The following PIK3C2A variants were observed in gnomAD, a reference collection of about 807,000 sequenced individuals.
PIK3C2A encodes the protein phosphatidylinositol 4-phosphate 3-kinase C2 domain-containing subunit alpha.
PIK3C2A carries 97 observed loss-of-function variants against 204.5 expected under a neutral mutation model. That is an observed-to-expected ratio of 0.47 (90% CI 0.40 to 0.56). The LOEUF (loss-of-function observed/expected upper bound fraction) is 0.56, where lower values mean the gene tolerates loss of function less well. Ranked by LOEUF, PIK3C2A falls within the 20% of genes least tolerant of loss-of-function variation. PIK3C2A has a pLI of 0.00. For synonymous variants in PIK3C2A, 653 were observed against 664.4 expected, an observed-to-expected ratio of 0.98 and a Z score of 0.26; for missense variants, 1,735 against 1,969.2, an observed-to-expected ratio of 0.88 and a Z score of 2.25.
intron 20 of PIK3C2A, 152 bp from the exon 21 acceptor site, chr11:17,112,818 C>T: frequency 2.5e-6 from 1 of 398,982 alleles, no homozygotes; most frequent in East Asian, 4.1e-5. Flanking sequence ...CAGCGTCTTG[C>T]TTTGTTACCC....
At chr11:17,093,653 G>C (rs972889615) in intron 28 of PIK3C2A, among the ~76,000 whole-genome samples, 3 of 150,158 alleles carry the variant, frequency 2.0e-5, no homozygotes, top group South Asian at 2.1e-4. Flanking sequence ...TTTTTGGGGG[G>C]GGGGGACAGG....
At chr11:17,163,457 A>G (rs1461837118) in intron 2 of PIK3C2A, among the ~76,000 whole-genome samples, 1 of 152,184 alleles carries the variant, frequency 6.6e-6, no homozygotes, top group African/African-American at 2.4e-5. Context: ...CTGGAGTACA[A>G]GGGCCTTATC....
intron 24 of PIK3C2A, 53 bp downstream of exon 24, chr11:17,102,609 A>T: frequency 1.4e-6 from 2 of 1,437,396 alleles, no homozygotes; most frequent in South Asian, 2.6e-5. Context: ...ACAAACTTTA[A>T]TTTGTGAAAC....
intron 2 of PIK3C2A, among the ~76,000 whole-genome samples, chr11:17,163,214 G>A (rs1448927412): frequency 6.6e-6 from 1 of 152,136 alleles, no homozygotes; most frequent in East Asian, 1.9e-4. Flanking sequence ...GCTGAGCCAG[G>A]AGAATCACTT....
chr11:17,178,716 T>A (rs1268988467), intron 1 of PIK3C2A, among the ~76,000 whole-genome samples: 604 of 27,626 alleles, frequency 0.022, 150 homozygotes, highest in African/African-American at 0.078. Flanking sequence ...TTTTTGAATT[T>A]TTTTTTTTTT....
At chr11:17,193,574 G>A (rs1317370410) in intron 1 of PIK3C2A, 9 of 402,488 alleles carry the variant, frequency 2.2e-5, no homozygotes, top group South Asian at 1.5e-4. Flanking sequence ...CAAGCCAGGT[G>A]TGGTGGCTTA....
At position 17,097,164 on chromosome 11, in the gene PIK3C2A, G is replaced by A. The variant is rs1442666909; in HGVS notation, c.4219C>T (p.Pro1407Ser). 6.2e-7 allele frequency: 1 copy of A among 1,611,022 alleles called. No individual in the cohort carries two copies. Residue 1407 changes from proline (P) to serine (S), a missense_variant, in exon 27 of 33, where the codon CCC (proline) becomes TCC (serine). Pro to Ser is a moderately conservative substitution (Grantham distance 74, BLOSUM62 -1). Coordinates refer to ENST00000691414, the MANE Select transcript of PIK3C2A (RefSeq NM_002645.4). ...GTTTTAGGTGAAAATGAAAGGATGGGCTCATCATTAGAAGGAAGACCAGAA... is the reference window on the plus strand; with the variant it reads ...GTTTTAGGTGAAAATGAAAGGATGGACTCATCATTAGAAGGAAGACCAGAA... ...RFSGLPSNDE[P>S]ILSFSPKTYS...
chr11:17,094,177 A>G lies in PIK3C2A; in HGVS notation c.4451+84T>C. The G allele has an allele frequency of 3.2e-6, 3 of 951,036 alleles. No individual in the cohort carries two copies. In the South Asian group the frequency reaches 5.4e-5, roughly 17 times the overall value. 58.9% of individuals were successfully genotyped at this position (951,036 alleles called of 1,614,324 possible). A position where few individuals can be genotyped will look rare whatever the true frequency, so the allele number is the denominator to read the frequency against. On this transcript the variant is annotated intron_variant, in intron 28 of 32. Transcript: ENST00000691414. ...ACACATGGCCGATAATATCTTACTA[A>G]GTGTTAACACAAAGCTTTCTACCTA...
chr11:17,088,248 CT>C lies in PIK3C2A; in HGVS notation c.*1489del, dbSNP rs1242712305. ...GTAACTAATAAAAATGAATCTTACT[CT>C]TTTTTTCTTTTTTTTTAAGATGGAG... is the stretch of plus-strand genomic sequence containing the variant. On this transcript the variant is annotated 3_prime_UTR_variant, in exon 33 of 33. Transcript: ENST00000691414. 2 of 151,950 alleles carry C rather than the reference CT, an allele frequency of 1.3e-5. No individual in the cohort carries two copies. Among genetic ancestry groups the C allele is most frequent in the Admixed American group, 6.6e-5 (1 of 15,228 alleles). 9.4% of individuals were successfully genotyped at this position (151,950 alleles called of 1,614,324 possible). A position where few individuals can be genotyped will look rare whatever the true frequency, so the allele number is the denominator to read the frequency against.
chr11:17,122,461 T>C lies in PIK3C2A; in HGVS notation c.2512-128A>G, dbSNP rs550250830. On this transcript the variant is annotated intron_variant, in intron 14 of 32. Coordinates refer to ENST00000691414, the MANE Select transcript of PIK3C2A (RefSeq NM_002645.4). ...TTTACATTGAATATTAAATTAATGC[T>C]TCTTGTTGCAATTGATTACCATTGT... 4.5e-6 allele frequency: 3 copies of C among 663,648 alleles called. No homozygotes were observed. The African/African-American group carries it at 5.5e-5, about 12-fold the overall frequency. The allele number at this position is 663,648 out of a possible 1,614,324, so 41.1% of individuals were successfully genotyped here. A position where few individuals can be genotyped will look rare whatever the true frequency, so the allele number is the denominator to read the frequency against.
chr11:17,148,400 TA>T (rs1207636543), intron 5 of PIK3C2A: 8 of 353,618 alleles, frequency 2.3e-5, no homozygotes, highest in Non-Finnish European at 2.6e-5. Context: ...TTATATCACT[TA>T]TTAACCAACT....
chr11:17,156,837 T>G (rs959766257), intron 2 of PIK3C2A, among the ~76,000 whole-genome samples: 1 of 152,042 alleles, frequency 6.6e-6, no homozygotes, highest in African/African-American at 2.4e-5. Flanking sequence ...AGAGTTAAGG[T>G]AGACTACTGA....
At position 17,174,423 on chromosome 11, in the gene PIK3C2A, T is replaced by TA. The variant is rs1312456154; in HGVS notation, c.-65-4618dup. On this transcript the variant is annotated intron_variant, in intron 1 of 32. Coordinates refer to ENST00000691414, the MANE Select transcript of PIK3C2A (RefSeq NM_002645.4). ...TAAAACGGTGAAACCCCGTCTCTAC[T>TA]AAAAAAAAAAATACAAAAAAATTAG... Among the ~76,000 whole-genome samples, 207 of 73,582 alleles carry TA rather than the reference T, an allele frequency of 2.8e-3. 58 individuals carry two copies. Among genetic ancestry groups the TA allele is most frequent in the South Asian group, 0.012 (22 of 1,858 alleles). 48.3% of individuals were successfully genotyped at this position (73,582 alleles called of 152,430 possible). A position where few individuals can be genotyped will look rare whatever the true frequency, so the allele number is the denominator to read the frequency against.
At chr11:17,117,447 CCTTT>C (rs1192677827) in intron 19 of PIK3C2A, 40 bp downstream of exon 19, 2 of 1,361,094 alleles carry the variant, frequency 1.5e-6, no homozygotes, top group Non-Finnish European at 2.1e-6. Context: ...AAAGATCCTT[CCTTT>C]AACATTAACA....
intron 1 of PIK3C2A, among the ~76,000 whole-genome samples, chr11:17,185,813 T>C (rs556502567): frequency 6.6e-6 from 1 of 152,288 alleles, no homozygotes; most frequent in South Asian, 2.1e-4. Flanking sequence ...CTTTCCTGGA[T>C]TATTGAAATA....
chr11:17,112,664 C>T lies in PIK3C2A; in HGVS notation c.3324G>A (p.Ser1108=), dbSNP rs200630993. 2.4e-4 allele frequency: 349 copies of T among 1,475,156 alleles called. 2 individuals carry two copies. The highest frequency in any genetic ancestry group is 1.2e-3 in the South Asian group (89 of 72,808). The allele number at this position is 1,475,156 out of a possible 1,614,324, so 91.4% of individuals were successfully genotyped here. Residue 1108 remains serine (S), a splice_region_variant and synonymous_variant, in exon 21 of 33, where the codon TCG becomes TCA. Transcript: ENST00000691414. ...SLVAKELNIK[S]CSFFSSNAVP... is the part of the protein sequence containing the mutation. ...CAGCATTAGAACTGAAGAAGGAACA[C>T]GACTGCAAATACAACATGTTAAGCA... is the stretch of plus-strand genomic sequence containing the variant.
chr11:17,097,679 C>T (rs1234160959), intron 26 of PIK3C2A, among the ~76,000 whole-genome samples: 1 of 152,154 alleles, frequency 6.6e-6, no homozygotes, highest in Non-Finnish European at 1.5e-5. Context: ...TTTGGGAGGC[C>T]AAGGGGAGCG....
chr11:17,105,165 T>C lies in PIK3C2A; in HGVS notation c.3681+4A>G, dbSNP rs1848768319. The C allele has an allele frequency of 6.2e-7, 1 of 1,609,236 alleles. No homozygotes were observed. Among genetic ancestry groups the C allele is most frequent in the Non-Finnish European group, 8.5e-7 (1 of 1,175,850 alleles). ...TTTTTAGAATGAGGAGACATGCTAA[T>C]TACCTTTTCATATTCTTCTTCAGAG... On this transcript the variant is annotated splice_donor_region_variant and intron_variant, in intron 23 of 32. Transcript: ENST00000691414.
chr11:17,180,802 C>T (rs1362255802), intron 1 of PIK3C2A, among the ~76,000 whole-genome samples: 1 of 152,158 alleles, frequency 6.6e-6, no homozygotes, highest in Non-Finnish European at 1.5e-5. Flanking sequence ...AGCGGATACC[C>T]TCATTTCAGA....
Sources: gnomAD v4.1 joint callset for allele counts (sites outside exome capture counted in the v4.1 genomes callset) on GRCh38, gnomAD v4.1.1 for gene constraint, MANE v1.5 for transcripts, NCBI Gene and HGNC (gene_info 2026-07-23, HGNC 2026-07-21) for gene names.